ARHGEF4: variants seen among roughly 807,000 people sequenced by gnomAD.
The protein encoded by ARHGEF4 is Rho guanine nucleotide exchange factor 4.
ARHGEF4 carries 119 observed loss-of-function variants against 162.0 expected under a neutral mutation model. That is an observed-to-expected ratio of 0.73 (90% CI 0.63 to 0.86). The LOEUF is 0.86. Among genes scored for constraint, ARHGEF4 ranks in the 40% least tolerant of loss-of-function variants. The probability of loss-of-function intolerance (pLI) is 0.00; values close to 1 mark genes in which losing one functional copy is unlikely to be tolerated. For synonymous variants in ARHGEF4, 1,014 were observed against 979.9 expected, an observed-to-expected ratio of 1.03 and a Z score of -0.65; for missense variants, 2,488 against 2,456.0, an observed-to-expected ratio of 1.01 and a Z score of -0.28.
intron 1 of ARHGEF4, among the ~76,000 whole-genome samples, chr2:130,851,476 G>A (rs577934238): frequency 4.6e-5 from 7 of 152,336 alleles, no homozygotes; most frequent in African/African-American, 1.7e-4. Flanking sequence ...CGGTTCATGC[G>A]GGTTGGGGAG....
At chr2:130,952,752 A>G (rs1463841728) in intron 4 of ARHGEF4, among the ~76,000 whole-genome samples, 1 of 152,206 alleles carries the variant, frequency 6.6e-6, no homozygotes, top group East Asian at 1.9e-4. Context: ...AATCACAAGC[A>G]TTCCTATACA....
chr2:130,891,994 T>G (rs1273655443), intron 1 of ARHGEF4, among the ~76,000 whole-genome samples: 1 of 152,248 alleles, frequency 6.6e-6, no homozygotes, highest in East Asian at 1.9e-4. Context: ...ACTGCTTATG[T>G]TTTTTCTTTT....
intron 4 of ARHGEF4, chr2:130,946,912 G>GGGCAACAT (rs1201917895): frequency 9.8e-6 from 3 of 305,732 alleles, no homozygotes; most frequent in Non-Finnish European, 1.9e-5. Context: ...AGACCAGCCT[G>GGGCAACAT]GGCAACATGG....
At chr2:130,853,590 G>T (rs1001056743) in intron 1 of ARHGEF4, among the ~76,000 whole-genome samples, 1 of 152,202 alleles carries the variant, frequency 6.6e-6, no homozygotes, top group Non-Finnish European at 1.5e-5. Context: ...GAGCTGCTGA[G>T]CCAGGTGTGG....
chr2:130,914,724 G>C lies in ARHGEF4; in HGVS notation c.778G>C (p.Asp260His). ...GGTGCTACCTAGCAGAGGCCCACTG[G>C]ACAACACAGCCCCTCTGGGGACCAG... is the stretch of plus-strand genomic sequence containing the variant. ...ALVLPSRGPLDNTAPLGTRTK... is the reference protein window; with the variant it reads ...ALVLPSRGPLHNTAPLGTRTK... Residue 260 changes from aspartate (D) to histidine (H), a missense_variant, in exon 2 of 14, where the codon GAC (aspartate) becomes CAC (histidine). Transcript: ENST00000409359. The C allele has an allele frequency of 1.4e-6, 2 of 1,415,746 alleles. No homozygotes were observed. The highest frequency in any genetic ancestry group is 6.1e-5 in the Admixed American group (2 of 33,008). 87.7% of individuals were successfully genotyped at this position (1,415,746 alleles called of 1,614,324 possible).
chr2:130,948,359 G>A (rs190449080), intron 4 of ARHGEF4, among the ~76,000 whole-genome samples: 2 of 152,336 alleles, frequency 1.3e-5, no homozygotes, highest in Admixed American at 6.5e-5. Flanking sequence ...CACAAGCAAA[G>A]TTATGAAAAG....
intron 1 of ARHGEF4, among the ~76,000 whole-genome samples, chr2:130,844,180 T>C (rs1019416403): frequency 1.3e-5 from 2 of 152,256 alleles, no homozygotes; most frequent in African/African-American, 4.8e-5. Flanking sequence ...AGAAGTGCTG[T>C]GTCTTTCTGG....
chr2:130,991,474 G>A (rs138642873), intron 4 of ARHGEF4, among the ~76,000 whole-genome samples: 4,682 of 152,338 alleles, frequency 0.031, 192 homozygotes, highest in African/African-American at 0.097. Context: ...AACCAGGGCT[G>A]TGTGCGGCGC....
rs186894215 is a variant in ARHGEF4 at position 130,879,072 on chromosome 2, G to A, written c.40-34914G>A. 8.1e-4 allele frequency among the ~76,000 whole-genome samples: 123 copies of A among 152,322 alleles called. 1 individual carries two copies. The highest frequency in any genetic ancestry group is 2.4e-4 in the Non-Finnish European group (16 of 68,038). On this transcript the variant is annotated intron_variant, in intron 1 of 13. Transcript: ENST00000409359. ...AGCACCACGGAAGAGCAAAGAAGCA[G>A]GCATGGCTGAGCACAGCACAGGTGG... is the stretch of plus-strand genomic sequence containing the variant.
intron 4 of ARHGEF4, among the ~76,000 whole-genome samples, chr2:130,972,181 A>G (rs1037799364): frequency 6.6e-6 from 1 of 152,254 alleles, no homozygotes; most frequent in Non-Finnish European, 1.5e-5. Context: ...AACCTATGAA[A>G]TAATTATATT....
chr2:130,887,982 G>A (rs747068330), intron 1 of ARHGEF4, among the ~76,000 whole-genome samples: 24 of 152,058 alleles, frequency 1.6e-4, no homozygotes, highest in Non-Finnish European at 3.2e-4. Flanking sequence ...CCTGGAAATG[G>A]GAGGAGGCAG....
At chr2:130,933,016 C>T (rs923744667) in intron 3 of ARHGEF4, among the ~76,000 whole-genome samples, 6 of 152,024 alleles carry the variant, frequency 3.9e-5, no homozygotes, top group African/African-American at 1.4e-4. Context: ...AGAAGTTCGA[C>T]GTCAGCCTGG....
In ARHGEF4 at chr2:130,949,467, C is replaced by T. The variant is rs1683820398; in HGVS notation, c.3985+2832C>T. On this transcript the variant is annotated intron_variant, in intron 4 of 13. Transcript: ENST00000409359. Reference sequence around the variant, plus strand: ...CTCCTGGGTTCACGCCATTCTCCTGCCTCAGCCTCCCAAGTAGCTGGGACT... The same window carrying T: ...CTCCTGGGTTCACGCCATTCTCCTGTCTCAGCCTCCCAAGTAGCTGGGACT... Among the ~76,000 whole-genome samples the T allele has an allele frequency of 2.0e-5, 3 of 152,094 alleles. No individual in the cohort carries two copies. In the South Asian group the frequency reaches 6.2e-4, roughly 32 times the overall value.
At chr2:130,975,918 G>T (rs1685669230) in intron 4 of ARHGEF4, among the ~76,000 whole-genome samples, 1 of 152,160 alleles carries the variant, frequency 6.6e-6, no homozygotes, top group African/African-American at 2.4e-5. Flanking sequence ...GCGCTCAGGA[G>T]GGTTCCACTC....
chr2:131,039,658 C>A, intron 6 of ARHGEF4: 4 of 1,173,882 alleles, frequency 3.4e-6, no homozygotes, highest in Non-Finnish European at 4.2e-6. Flanking sequence ...TGCATGTTAG[C>A]CAGCGGGCGC....
chr2:131,027,852 T>C, intron 4 of ARHGEF4, 93 bp from the exon 5 acceptor site: 1 of 1,464,824 alleles, frequency 6.8e-7, no homozygotes, highest in Non-Finnish European at 9.3e-7. Flanking sequence ...AAGAAGCATT[T>C]GTCCTGAACC....
intron 1 of ARHGEF4, among the ~76,000 whole-genome samples, chr2:130,864,920 T>C (rs182282808): frequency 2.4e-4 from 36 of 152,360 alleles, no homozygotes; most frequent in African/African-American, 6.7e-4. Context: ...GGCAGCTGTC[T>C]GAAGCACCTT....
At chr2:131,041,581 A>T in intron 9 of ARHGEF4, 119 bp downstream of exon 9, 1 of 1,182,384 alleles carries the variant, frequency 8.5e-7, no homozygotes, top group Non-Finnish European at 1.2e-6. Flanking sequence ...ACAGAAAACT[A>T]GCCCTGTCCT....
chr2:130,851,475 C>G (rs1400046218), intron 1 of ARHGEF4, among the ~76,000 whole-genome samples: 2 of 152,192 alleles, frequency 1.3e-5, no homozygotes, highest in Admixed American at 1.3e-4. Context: ...GCGGTTCATG[C>G]GGGTTGGGGA....
Sources: allele counts gnomAD v4.1 joint callset (sites outside exome capture counted in the v4.1 genomes callset), GRCh38; gene constraint gnomAD v4.1.1; transcripts MANE v1.5; gene names NCBI Gene and HGNC (gene_info 2026-07-23, HGNC 2026-07-21).